Variants in KCNIP1 observed in about 807,000 individuals in gnomAD.
The protein encoded by KCNIP1 is potassium voltage-gated channel interacting protein 1.
In KCNIP1, 18 loss-of-function variants were observed where a neutral mutation model predicts 33.0. That is an observed-to-expected ratio of 0.55 (90% CI 0.38 to 0.81). The LOEUF is 0.81. KCNIP1 is among the 30% of genes least tolerant of loss of function. The pLI is 0.00. For missense variants in KCNIP1, 238 were observed against 271.6 expected, an observed-to-expected ratio of 0.88 and a Z score of 0.87; for synonymous variants, 93 against 98.3, an observed-to-expected ratio of 0.95 and a Z score of 0.32.
intron 1 of KCNIP1, chr5:170,378,832 G>C (rs565730657): frequency 8.1e-6 from 13 of 1,614,122 alleles, no homozygotes; most frequent in Non-Finnish European, 9.3e-6. Context: ...CCGTAGAGGC[G>C]CTGGAATAGG....
intron 1 of KCNIP1, among the ~76,000 whole-genome samples, chr5:170,355,761 T>G (rs1481088885): frequency 6.6e-6 from 1 of 152,198 alleles, no homozygotes; most frequent in African/African-American, 2.4e-5. Flanking sequence ...TCCCTCTCTC[T>G]GCTCAGAATC....
chr5:170,423,234 T>C (rs1280570994), intron 1 of KCNIP1, among the ~76,000 whole-genome samples: 1 of 152,138 alleles, frequency 6.6e-6, no homozygotes, highest in Non-Finnish European at 1.5e-5. Flanking sequence ...AGAGCCAAGA[T>C]TGGATTTTTG....
At chr5:170,359,527 G>A (rs1057266725) in intron 1 of KCNIP1, among the ~76,000 whole-genome samples, 4 of 152,160 alleles carry the variant, frequency 2.6e-5, no homozygotes, top group African/African-American at 9.7e-5. Context: ...GAGGGGCTGA[G>A]CAAGCACTCT....
At chr5:170,469,276 T>C (rs976672460) in intron 1 of KCNIP1, among the ~76,000 whole-genome samples, 3 of 151,986 alleles carry the variant, frequency 2.0e-5, no homozygotes, top group African/African-American at 7.3e-5. Flanking sequence ...ACACCTGTAG[T>C]CCCAGCTATT....
chr5:170,452,538 C>T (rs1460995359), intron 1 of KCNIP1, among the ~76,000 whole-genome samples: 2 of 152,146 alleles, frequency 1.3e-5, no homozygotes, highest in Non-Finnish European at 2.9e-5. Context: ...GAGGAAGTTT[C>T]ATTTAGGGGC....
intron 1 of KCNIP1, among the ~76,000 whole-genome samples, chr5:170,535,911 G>T (rs1309829157): frequency 2.0e-5 from 3 of 152,170 alleles, no homozygotes; most frequent in Non-Finnish European, 4.4e-5. Context: ...GTGGAAAGGG[G>T]CCTGAGGAAC....
At chr5:170,649,918 T>G (rs1760970651) in intron 1 of KCNIP1, among the ~76,000 whole-genome samples, 1 of 152,084 alleles carries the variant, frequency 6.6e-6, no homozygotes, top group Non-Finnish European at 1.5e-5. Context: ...CGGTTGTTCT[T>G]CATAACAAAA....
At chr5:170,679,175 C>T (rs1762243808) in intron 1 of KCNIP1, 1 of 152,238 alleles carries the variant, frequency 6.6e-6, no homozygotes, top group Non-Finnish European at 1.5e-5. Context: ...TGAAGAAACA[C>T]TGATGTGTAG....
chr5:170,611,395 G>A (rs1176675319), intron 1 of KCNIP1, among the ~76,000 whole-genome samples: 1 of 152,180 alleles, frequency 6.6e-6, no homozygotes. Flanking sequence ...CGAAAGGTGA[G>A]GTCAATTCCC....
At chr5:170,458,830 G>T (rs1300681371) in intron 1 of KCNIP1, among the ~76,000 whole-genome samples, 2 of 152,064 alleles carry the variant, frequency 1.3e-5, no homozygotes, top group Non-Finnish European at 2.9e-5. Context: ...ACAACAAATA[G>T]CATGAAGAAT....
intron 1 of KCNIP1, among the ~76,000 whole-genome samples, chr5:170,652,903 C>G (rs975115670): frequency 2.0e-5 from 3 of 152,220 alleles, no homozygotes; most frequent in African/African-American, 7.2e-5. Context: ...TGGGTGCATA[C>G]CCCCACCTTG....
intron 1 of KCNIP1, among the ~76,000 whole-genome samples, chr5:170,442,965 G>A (rs1378123198): frequency 6.6e-6 from 1 of 152,202 alleles, no homozygotes; most frequent in South Asian, 2.1e-4. Context: ...TTGGATAGGG[G>A]ATTCTGGGGT....
chr5:170,713,920 A>G (rs2113860252), intron 1 of KCNIP1, among the ~76,000 whole-genome samples: 1 of 152,168 alleles, frequency 6.6e-6, no homozygotes, highest in African/African-American at 2.4e-5. Flanking sequence ...GCTACTCAGG[A>G]GGCTGAGGCA....
chr5:170,721,657 A>T, intron 3 of KCNIP1, 176 bp from the exon 4 acceptor site: 1 of 1,367,420 alleles, frequency 7.3e-7, no homozygotes, highest in Non-Finnish European at 1.0e-6. Flanking sequence ...TGCTAGATCT[A>T]ACTTCACACC....
chr5:170,453,950 G>A (rs1265182277), intron 1 of KCNIP1, among the ~76,000 whole-genome samples: 1 of 152,178 alleles, frequency 6.6e-6, no homozygotes, highest in Non-Finnish European at 1.5e-5. Context: ...ATACAGACCA[G>A]CCAACACCTT....
chr5:170,411,448 GAGAA>G (rs1411703273), intron 1 of KCNIP1, among the ~76,000 whole-genome samples: 12 of 152,314 alleles, frequency 7.9e-5, no homozygotes, highest in African/African-American at 2.9e-4. Flanking sequence ...CAGAGAGTGA[GAGAA>G]AGAGAGAGAT....
At chr5:170,626,432 A>G (rs1443411644) in intron 1 of KCNIP1, among the ~76,000 whole-genome samples, 2 of 152,306 alleles carry the variant, frequency 1.3e-5, no homozygotes, top group Middle Eastern at 3.4e-3. Context: ...CCCCCCTCCC[A>G]TGGCACCGTG....
intron 1 of KCNIP1, among the ~76,000 whole-genome samples, chr5:170,550,766 T>A (rs1385484354): frequency 6.6e-6 from 1 of 152,138 alleles, no homozygotes; most frequent in African/African-American, 2.4e-5. Flanking sequence ...ATGATGACAA[T>A]AATGGTGATG....
intron 1 of KCNIP1, among the ~76,000 whole-genome samples, chr5:170,692,433 C>A (rs1049787498): frequency 6.6e-6 from 1 of 152,186 alleles, no homozygotes; most frequent in African/African-American, 2.4e-5. Context: ...TTCCATCTCT[C>A]TGATATATAA....
Sources: gnomAD v4.1 joint callset for allele counts (sites outside exome capture counted in the v4.1 genomes callset) on GRCh38, gnomAD v4.1.1 for gene constraint, MANE v1.5 for transcripts, NCBI Gene and HGNC (gene_info 2026-07-23, HGNC 2026-07-21) for gene names.